The following HSPG2 variants were observed in gnomAD, a reference collection of about 807,000 sequenced individuals.
HSPG2 encodes the protein heparan sulfate proteoglycan 2, also known as basement membrane-specific heparan sulfate proteoglycan core protein.
HSPG2 carries 278 observed loss-of-function variants against 526.6 expected under a neutral mutation model. The observed-to-expected ratio is 0.53, with a 90% CI of 0.48 to 0.58. The LOEUF is 0.58. Among genes scored for constraint, HSPG2 ranks in the 20% least tolerant of loss-of-function variants. HSPG2 has a pLI of 0.00. For synonymous variants in HSPG2, 2,465 were observed against 2,555.4 expected (o/e 0.96, Z 1.07); for missense variants, 5,354 against 6,099.5 (o/e 0.88, Z 4.07).
chr1:21,836,814 T>C lies in HSPG2; in HGVS notation c.10343A>G (p.Asp3448Gly). The C allele has an allele frequency of 3.8e-6, 6 of 1,566,108 alleles. No individual in the cohort carries two copies. The highest frequency in any genetic ancestry group is 4.3e-6 in the Non-Finnish European group (5 of 1,159,082). Residue 3448 changes from aspartate (D) to glycine (G), a missense_variant, in exon 75 of 97, where the codon GAT becomes GGT. Physicochemically the swap from Asp to Gly is moderately conservative, Grantham distance 94. Coordinates refer to ENST00000374695, the MANE Select transcript of HSPG2 (RefSeq NM_005529.7). ...CGGCCCCACTCACCGGAGCACCCCA[T>C]CCTGCACGCTGTGACCCGGAGGCAG... ...GQLPPGHSVQDGVLRIQNLDQ... is the reference protein window; with the variant it reads ...GQLPPGHSVQGGVLRIQNLDQ...
chr1:21,861,067 G>C (rs1639751430), intron 39 of HSPG2, among the ~76,000 whole-genome samples: 1 of 152,140 alleles, frequency 6.6e-6, no homozygotes, highest in South Asian at 2.1e-4. Flanking sequence ...ACTTAACATG[G>C]TTTGTAAATA....
chr1:21,859,544 TAC>T lies in HSPG2; in HGVS notation c.5293+20_5293+21del. On this transcript the variant is annotated intron_variant, in intron 42 of 96. Coordinates refer to ENST00000374695, the MANE Select transcript of HSPG2 (RefSeq NM_005529.7). The surrounding 1 kb of genome is among the most constrained non-coding windows in gnomAD (Gnocchi z 5.3). ...CCAGCCCAGGACAGGCAGTCTTGGT[TAC>T]AGGGGGCGTAGGGACTCACCAGTGA... is the stretch of plus-strand genomic sequence containing the variant. 1 of 1,544,442 alleles carries T rather than the reference TAC, an allele frequency of 6.5e-7. No homozygotes were observed.
Position 21,855,545 on chromosome 1 carries a change from G to A in HSPG2, c.5832C>T (p.Ala1944=). Residue 1944 remains alanine (A), a synonymous_variant, in exon 46 of 97, where the codon GCC becomes GCT. Transcript: ENST00000374695. The part of the protein sequence containing the change: ...RAHSSAGQQV[A]RAVLHVHGGG... ...CACCATGCACGTGGAGCACAGCCCT[G>A]GCCACCTGCTGCCCAGCGCTGCTGT... 6.2e-7 allele frequency: 1 copy of A among 1,606,174 alleles called. No individual in the cohort carries two copies. Among genetic ancestry groups the A allele is most frequent in the Non-Finnish European group, 8.5e-7 (1 of 1,177,526 alleles).
chr1:21,848,576 G>C lies in HSPG2; in HGVS notation c.7737+67C>G. On this transcript the variant is annotated intron_variant, in intron 59 of 96. Transcript: ENST00000374695. This position sits in a 1 kb window ranked among gnomAD's most constrained non-coding sequence, Gnocchi z 4.9. ...ATGAGCACAGAGTGAGGTGCTGAGA[G>C]TCCCCCCTCTTCCCATTGGGGGCTG... is the stretch of plus-strand genomic sequence containing the variant. 1 of 1,533,698 alleles carries C rather than the reference G, an allele frequency of 6.5e-7. No homozygotes were observed. Among genetic ancestry groups the C allele is most frequent in the Non-Finnish European group, 9.0e-7 (1 of 1,109,286 alleles).
chr1:21,829,857 G>A (rs1440927127), intron 86 of HSPG2, 136 bp downstream of exon 86: 2 of 836,558 alleles, frequency 2.4e-6, no homozygotes, highest in Admixed American at 2.0e-5. Context: ...GCAGACATGT[G>A]GCCAGGTGAC....
At chr1:21,884,447 C>A in intron 13 of HSPG2, 81 bp downstream of exon 13, 1 of 1,571,542 alleles carries the variant, frequency 6.4e-7, no homozygotes, top group Non-Finnish European at 8.7e-7. Flanking sequence ...CCCCCTCTGT[C>A]CGCATCTATC....
At chr1:21,875,224 C>T in intron 25 of HSPG2, 1 of 616,010 alleles carries the variant, frequency 1.6e-6, no homozygotes. Flanking sequence ...GGTTATACCA[C>T]CTCGTTCCCC....
chr1:21,862,597 AG>A (rs34049868), intron 37 of HSPG2, among the ~76,000 whole-genome samples: 78,914 of 103,074 alleles, frequency 0.77, 30,238 homozygotes, highest in South Asian at 0.89. Context: ...AAAAAAAAAA[AG>A]AAAAAAGCAA....
rs777868101 is a variant in HSPG2 at position 21,839,848 on chromosome 1, G to A, written c.9683C>T (p.Thr3228Met). 1.4e-5 allele frequency: 23 copies of A among 1,613,790 alleles called. No individual in the cohort carries two copies. Among genetic ancestry groups the A allele is most frequent in the Admixed American group, 1.7e-5 (1 of 60,000 alleles). ...EAELTVEAGH[T>M]ATLRCSATGS... is the part of the protein sequence containing the mutation. ...TGTGGCTGAGCAGCGCAAGGTGGCC[G>A]TGTGTCCAGCCTCCACAGTCAGCTC... The change falls in exon 72 of 97, where the codon ACG becomes ATG. Residue 3228 changes from threonine to methionine, a missense_variant. Coordinates refer to ENST00000374695, the MANE Select transcript of HSPG2 (RefSeq NM_005529.7). The surrounding 1 kb of genome is among the most constrained non-coding windows in gnomAD (Gnocchi z 4.5).
Position 21,847,328 on chromosome 1 carries a change from C to G in HSPG2, c.8164+26G>C. 1.2e-6 allele frequency: 2 copies of G among 1,613,650 alleles called. No individual in the cohort carries two copies. Among genetic ancestry groups the G allele is most frequent in the Non-Finnish European group, 1.7e-6 (2 of 1,179,926 alleles). ...CCAGGGAACACTGTTGCCTGCATCCCTCGTCCCTTTCCTAGGCAGACTCAC... is the reference window on the plus strand; with the variant it reads ...CCAGGGAACACTGTTGCCTGCATCCGTCGTCCCTTTCCTAGGCAGACTCAC... On this transcript the variant is annotated intron_variant, in intron 62 of 96. Coordinates refer to ENST00000374695, the MANE Select transcript of HSPG2 (RefSeq NM_005529.7). The surrounding 1 kb of genome is among the most constrained non-coding windows in gnomAD (Gnocchi z 4.1).
In HSPG2 at chr1:21,876,210, C is replaced by T. The variant is rs984824836; in HGVS notation, c.3003+19G>A. 2 of 1,593,774 alleles carry T rather than the reference C, an allele frequency of 1.3e-6. No individual in the cohort carries two copies. Among genetic ancestry groups the T allele is most frequent in the Non-Finnish European group, 1.7e-6 (2 of 1,169,804 alleles). ...TCCTGCTGCCTGGAGTTTCCTTTGC[C>T]TTTCCACCCACTACCCACCTTGTCC... On this transcript the variant is annotated intron_variant, in intron 23 of 96. Coordinates refer to ENST00000374695, the MANE Select transcript of HSPG2 (RefSeq NM_005529.7).
Position 21,885,462 on chromosome 1 carries a change from A to C in HSPG2, c.1079-11T>G, listed in dbSNP as rs1301758432. On this transcript the variant is annotated splice_polypyrimidine_tract_variant and intron_variant, in intron 9 of 96. Transcript: ENST00000374695. ...CAGGACGCTTGGTGGCTGGGGACAA[A>C]GCCAGGTGGTTCCCAATAGCCCACC... is the stretch of plus-strand genomic sequence containing the variant. 6.2e-7 allele frequency: 1 copy of C among 1,613,874 alleles called. No homozygotes were observed. The highest frequency in any genetic ancestry group is 2.2e-5 in the East Asian group (1 of 44,864).
intron 1 of HSPG2, among the ~76,000 whole-genome samples, chr1:21,902,560 C>T (rs1557813028): frequency 6.6e-6 from 1 of 152,332 alleles, no homozygotes; most frequent in Non-Finnish European, 1.5e-5. Flanking sequence ...GCAATGGGAA[C>T]GGAGTCTGAA....
rs1037928508 is a variant in HSPG2 at position 21,822,436 on chromosome 1, G to A, written c.*880C>T. The A allele has an allele frequency of 3.5e-6, 2 of 578,264 alleles. No individual in the cohort carries two copies. Among genetic ancestry groups the A allele is most frequent in the African/African-American group, 3.7e-5 (2 of 53,372 alleles). 35.8% of individuals were successfully genotyped at this position (578,264 alleles called of 1,614,324 possible). A position where few individuals can be genotyped will look rare whatever the true frequency, so the allele number is the denominator to read the frequency against. The stretch of plus-strand genomic sequence containing the variant: ...TCCCCCTCCTCTCTCTCTCAGTCGT[G>A]AGTCCTGCCTTCCCCCACCTAAGGC... On this transcript the variant is annotated 3_prime_UTR_variant, in exon 97 of 97. Coordinates refer to ENST00000374695, the MANE Select transcript of HSPG2 (RefSeq NM_005529.7).
At chr1:21,889,754 G>T in intron 6 of HSPG2, 2 of 600,284 alleles carry the variant, frequency 3.3e-6, no homozygotes, top group Non-Finnish European at 6.1e-6. Flanking sequence ...ATGTGCAGAG[G>T]TCTAGAAGGA....
chr1:21,848,058 A>G lies in HSPG2; in HGVS notation c.7773T>C (p.Thr2591=). 1 of 1,612,740 alleles carries G rather than the reference A, an allele frequency of 6.2e-7. No individual in the cohort carries two copies. The highest frequency in any genetic ancestry group is 8.5e-7 in the Non-Finnish European group (1 of 1,179,732). Residue 2591 remains threonine, a synonymous_variant, in exon 60 of 97, where the codon ACT becomes ACC. Transcript: ENST00000374695. The surrounding 1 kb of genome is among the most constrained non-coding windows in gnomAD (Gnocchi z 4.9). ...ACACGTACTCGCCCGAGTCTGCCGG[A>G]GTCACCTGAGGGATCCGCAGCCGGG... is the stretch of plus-strand genomic sequence containing the variant. ...VGSRLRIPQV[T]PADSGEYVCH...
chr1:21,888,145 G>C (rs1226793589), intron 6 of HSPG2, 79 bp from the exon 7 acceptor site: 21 of 1,593,514 alleles, frequency 1.3e-5, no homozygotes, highest in Non-Finnish European at 1.8e-5. Context: ...TGTGTGGCTG[G>C]AGTGGGCTCC....
Position 21,852,903 on chromosome 1 carries a change from C to T in HSPG2, c.6591+16G>A, listed in dbSNP as rs200233682. 8,678 of 1,611,986 alleles carry T rather than the reference C, an allele frequency of 5.4e-3. 38 individuals carry two copies. The highest frequency in any genetic ancestry group is 6.5e-3 in the Non-Finnish European group (7,677 of 1,179,664). Reference sequence around the variant, plus strand: ...TCCAGCCCCTCCAGCAAGGTGGTCCCGGGGGGCTGCCATACCTGGTGCCGG... The same window carrying T: ...TCCAGCCCCTCCAGCAAGGTGGTCCTGGGGGGCTGCCATACCTGGTGCCGG... On this transcript the variant is annotated intron_variant, in intron 51 of 96. Transcript: ENST00000374695.
intron 1 of HSPG2, among the ~76,000 whole-genome samples, chr1:21,910,144 T>A (rs966519721): frequency 2.0e-5 from 3 of 152,366 alleles, no homozygotes; most frequent in Non-Finnish European, 2.9e-5. Flanking sequence ...CATGGCGATG[T>A]TGGTTCCTCC....
Sources: allele counts gnomAD v4.1 joint callset (sites outside exome capture counted in the v4.1 genomes callset), GRCh38; gene constraint gnomAD v4.1.1; non-coding constraint Gnocchi (gnomAD v3.1); transcripts MANE v1.5; gene names NCBI Gene and HGNC (gene_info 2026-07-23, HGNC 2026-07-21).